Variants in ABCA13 observed in about 807,000 individuals in gnomAD.
ABCA13 encodes the protein ATP-binding cassette sub-family A member 13.
In ABCA13, 476 loss-of-function variants were observed where a neutral mutation model predicts 478.7. That is an observed-to-expected ratio of 0.99 (90% confidence interval 0.92 to 1.07). The LOEUF (loss-of-function observed/expected upper bound fraction) is 1.07, where lower values mean the gene tolerates loss of function less well. ABCA13 is among the 50% of genes least tolerant of loss of function. The probability of loss-of-function intolerance (pLI) is 0.00; values close to 1 mark genes in which losing one functional copy is unlikely to be tolerated. For synonymous variants in ABCA13, 2,252 were observed against 2,158.9 expected (o/e 1.04, Z -1.20); for missense variants, 6,060 against 5,910.6 (o/e 1.03, Z -0.83).
At chr7:48,633,855 C>T (rs924847383) in intron 59 of ABCA13, among the ~76,000 whole-genome samples, 3 of 152,010 alleles carry the variant, frequency 2.0e-5, no homozygotes, top group Admixed American at 6.6e-5. Context: ...CACTGCTGCA[C>T]TCCACTCTGG....
rs1041260268 is a variant in ABCA13, at chr7:48,508,315, G to C, written c.13524+266G>C. 3.9e-5 allele frequency among the ~76,000 whole-genome samples: 6 copies of C among 152,170 alleles called. No individual in the cohort carries two copies. The East Asian group carries it at 1.2e-3, about 29-fold the overall frequency. ...AAGATGCAAAGTTTCTTATTGAGAA[G>C]ATGAGAAAATTATTACCTTTACTAT... On this transcript the variant is annotated intron_variant, in intron 50 of 61. Transcript: ENST00000435803.
intron 31 of ABCA13, among the ~76,000 whole-genome samples, chr7:48,356,387 CTT>C (rs56950269): frequency 5.8e-5 from 8 of 138,482 alleles, no homozygotes; most frequent in African/African-American, 5.3e-5. Flanking sequence ...TGGAAGAAGT[CTT>C]TTTTTTTTTT....
chr7:48,450,614 A>G (rs1824874351), intron 42 of ABCA13, among the ~76,000 whole-genome samples: 1 of 152,174 alleles, frequency 6.6e-6, no homozygotes, highest in Non-Finnish European at 1.5e-5. Flanking sequence ...TTCATTCTAT[A>G]TGTATTACTT....
intron 58 of ABCA13, among the ~76,000 whole-genome samples, chr7:48,602,197 T>C (rs1318982136): frequency 1.3e-5 from 2 of 152,212 alleles, no homozygotes; most frequent in Non-Finnish European, 2.9e-5. Flanking sequence ...GATGGTAGTT[T>C]CGTTTGCTGT....
At chr7:48,334,459 C>T (rs1324180967) in intron 27 of ABCA13, among the ~76,000 whole-genome samples, 1 of 152,018 alleles carries the variant, frequency 6.6e-6, no homozygotes, top group Non-Finnish European at 1.5e-5. Flanking sequence ...CTCAGCCTCC[C>T]AAGTAGCTGG....
intron 58 of ABCA13, among the ~76,000 whole-genome samples, chr7:48,608,362 T>G (rs1352246152): frequency 6.6e-6 from 1 of 152,262 alleles, no homozygotes; most frequent in Non-Finnish European, 1.5e-5. Context: ...CATGTTAGCC[T>G]AACTTTACTG....
Position 48,594,754 on chromosome 7 carries a change from G to A in ABCA13, c.14685G>A (p.Leu4895=). The A allele has an allele frequency of 6.2e-7, 1 of 1,613,956 alleles. No individual in the cohort carries two copies. The highest frequency in any genetic ancestry group is 8.5e-7 in the Non-Finnish European group (1 of 1,179,844). The change falls in exon 58 of 62, where the codon CTG becomes CTA. Residue 4895 remains leucine (L), a synonymous_variant. Transcript: ENST00000435803. ...SGMDPCSKRY[L]WQTIMKEVRE... ...TGGATCCCTGCTCTAAGCGGTACCT[G>A]TGGCAAACAATAATGAAGGAGGTTC...
intron 40 of ABCA13, 63 bp downstream of exon 40, chr7:48,410,740 G>C: frequency 6.4e-7 from 1 of 1,562,364 alleles, no homozygotes; most frequent in Non-Finnish European, 8.7e-7. Context: ...TAAGAAACAA[G>C]TGGTGACAGT....
intron 7 of ABCA13, among the ~76,000 whole-genome samples, chr7:48,233,511 C>CT (rs1201294169): frequency 1.3e-5 from 2 of 151,904 alleles, no homozygotes; most frequent in Admixed American, 6.6e-5. Flanking sequence ...GTTAGGGGAA[C>CT]TTTTTCTTAT....
chr7:48,188,576 G>A (rs954049781), intron 1 of ABCA13, among the ~76,000 whole-genome samples: 6 of 151,504 alleles, frequency 4.0e-5, no homozygotes, highest in East Asian at 3.9e-4. Context: ...TTTTTTTTAC[G>A]TTTTGGTAGT....
At position 48,275,685 on chromosome 7, in the gene ABCA13, C is replaced by G. The variant is rs748884417; in HGVS notation, c.6019C>G (p.Gln2007Glu). The change falls in exon 17 of 62, where the codon CAA becomes GAA. Residue 2007 changes from glutamine (Q) to glutamate (E), a missense_variant. This residue lies in a region of ABCA13 where 4,423 missense variants were observed against 4,309.1 expected (regional missense o/e 1.03). Coordinates refer to ENST00000435803, the MANE Select transcript of ABCA13 (RefSeq NM_152701.5). ...TTCCTCAAATTTGGAAAGGACAGTA[C>G]AATTGATTTCTGAAGACTGGAGCCT... ...IISSNLERTVQLISEDWSLEK... is the reference protein window; with the variant it reads ...IISSNLERTVELISEDWSLEK... The G allele has an allele frequency of 3.8e-6, 6 of 1,599,208 alleles. No homozygotes were observed. Among genetic ancestry groups the G allele is most frequent in the South Asian group, 3.4e-5 (3 of 89,284 alleles).
chr7:48,239,372 C>A lies in ABCA13; in HGVS notation c.1029C>A (p.Val343=). The stretch of plus-strand genomic sequence containing the variant: ...GGTCAGAAGCCAAAAACTATCTTGT[C>A]CATGCAGTCAGCTGGCTGCGAGTCT... ...PKWSEAKNYL[V]HAVSWLRVYQ... Residue 343 remains valine, a synonymous_variant, in exon 9 of 62, where the codon GTC becomes GTA. Transcript: ENST00000435803. The A allele has an allele frequency of 6.2e-7, 1 of 1,613,796 alleles. No homozygotes were observed. The highest frequency in any genetic ancestry group is 8.5e-7 in the Non-Finnish European group (1 of 1,179,776).
rs760921989 is a variant in ABCA13 at position 48,376,559 on chromosome 7, C to T, written c.11322C>T (p.Ser3774=). 6.2e-7 allele frequency: 1 copy of T among 1,613,580 alleles called. No homozygotes were observed. Among genetic ancestry groups the T allele is most frequent in the Non-Finnish European group, 8.5e-7 (1 of 1,179,768 alleles). The change falls in exon 35 of 62, where the codon AGC becomes AGT. Residue 3774 remains serine (S), a synonymous_variant. Coordinates refer to ENST00000435803, the MANE Select transcript of ABCA13 (RefSeq NM_152701.5). ...ATTTTTTGTGTGGATGGTACTTGAG[C>T]AACTTGATTCCTGGTAAGAATTTTG... ...SLYFLCGWYL[S]NLIPGTFGLR...
At chr7:48,324,847 CG>C (rs1804074102) in intron 27 of ABCA13, among the ~76,000 whole-genome samples, 1 of 152,150 alleles carries the variant, frequency 6.6e-6, no homozygotes, top group Admixed American at 6.5e-5. Context: ...CTACCTAGCA[CG>C]GTACAATGAT....
At chr7:48,558,766 A>T (rs1221156715) in intron 55 of ABCA13, among the ~76,000 whole-genome samples, 1 of 152,230 alleles carries the variant, frequency 6.6e-6, no homozygotes, top group Non-Finnish European at 1.5e-5. Flanking sequence ...AAGGTCACAT[A>T]TCTCTGTTTC....
At chr7:48,589,703 T>A (rs1356613785) in intron 57 of ABCA13, among the ~76,000 whole-genome samples, 3 of 152,096 alleles carry the variant, frequency 2.0e-5, no homozygotes, top group African/African-American at 7.2e-5. Flanking sequence ...GAACAGAAAT[T>A]CAGGTTTTGG....
intron 6 of ABCA13, 58 bp from the exon 7 acceptor site, chr7:48,229,767 T>C: frequency 6.2e-7 from 1 of 1,600,356 alleles, no homozygotes; most frequent in Non-Finnish European, 8.5e-7. Flanking sequence ...CTAGAATTGA[T>C]GCTACTTGTT....
intron 55 of ABCA13, among the ~76,000 whole-genome samples, chr7:48,566,900 G>A (rs1288550356): frequency 6.6e-6 from 1 of 152,066 alleles, no homozygotes; most frequent in African/African-American, 2.4e-5. Flanking sequence ...CCTCTACTGT[G>A]GTTTAGCACA....
intron 1 of ABCA13, among the ~76,000 whole-genome samples, chr7:48,186,915 G>C (rs931635834): frequency 1.3e-5 from 2 of 151,598 alleles, no homozygotes; most frequent in African/African-American, 4.8e-5. Flanking sequence ...TCATTGCCAA[G>C]CCTTTTCACC....
Sources: allele counts gnomAD v4.1 joint callset (sites outside exome capture counted in the v4.1 genomes callset), GRCh38; gene constraint gnomAD v4.1.1; regional missense constraint gnomAD v4.1.1; transcripts MANE v1.5; gene names NCBI Gene and HGNC (gene_info 2026-07-23, HGNC 2026-07-21).